YIPF1: variants seen among roughly 807,000 people sequenced by gnomAD.
YIPF1 encodes the protein Yip1 domain family member 1, also known as protein YIPF1.
Under a neutral mutation model 37.0 loss-of-function variants are expected in YIPF1, and 22 were observed. The observed-to-expected ratio is 0.59, with a 90% CI of 0.42 to 0.85. The LOEUF (loss-of-function observed/expected upper bound fraction) is 0.85. Ranked by LOEUF, YIPF1 falls within the 40% of genes least tolerant of loss-of-function variation. The probability of loss-of-function intolerance (pLI) is 0.00; values close to 1 mark genes in which losing one functional copy is unlikely to be tolerated. For missense variants in YIPF1, 355 were observed against 373.1 expected, an observed-to-expected ratio of 0.95 and a Z score of 0.40; for synonymous variants, 128 against 131.9, an observed-to-expected ratio of 0.97 and a Z score of 0.21.
At chr1:53,865,954 A>G (rs1650009251) in intron 9 of YIPF1, among the ~76,000 whole-genome samples, 1 of 152,030 alleles carries the variant, frequency 6.6e-6, no homozygotes, top group African/African-American at 2.4e-5. Flanking sequence ...CGTTTAAGCC[A>G]CGATGCCCAG....
At chr1:53,865,426 A>T (rs1158097190) in intron 9 of YIPF1, among the ~76,000 whole-genome samples, 1 of 152,240 alleles carries the variant, frequency 6.6e-6, no homozygotes, top group Non-Finnish European at 1.5e-5. Context: ...TACACATTTT[A>T]AAATACAGTA....
intron 4 of YIPF1, among the ~76,000 whole-genome samples, chr1:53,882,280 T>C (rs1007135250): frequency 7.9e-5 from 12 of 152,178 alleles, no homozygotes; most frequent in African/African-American, 2.7e-4. Flanking sequence ...TGTTTACCTA[T>C]GTAACAAACC....
chr1:53,860,093 G>T lies in YIPF1; in HGVS notation c.892C>A (p.Gln298Lys). ...HLPTTTATPN[Q>K]TVAAAKSS The stretch of plus-strand genomic sequence containing the variant: ...CTGGACTTGGCTGCAGCAACTGTTT[G>T]GTTTGGAGTAGCTGTAGTTGTTGGG... Residue 298 changes from glutamine (Q) to lysine (K), a missense_variant, in exon 10 of 11, where the codon CAA becomes AAA. Transcript: ENST00000072644. The T allele has an allele frequency of 1.9e-6, 3 of 1,614,108 alleles. No homozygotes were observed. Among genetic ancestry groups the T allele is most frequent in the Non-Finnish European group, 2.5e-6 (3 of 1,179,994 alleles).
At chr1:53,883,793 T>G (rs1650567048) in intron 3 of YIPF1, among the ~76,000 whole-genome samples, 1 of 152,204 alleles carries the variant, frequency 6.6e-6, no homozygotes, top group Non-Finnish European at 1.5e-5. Flanking sequence ...ATCCCAGCAC[T>G]TTGGGAGGCC....
intron 6 of YIPF1, among the ~76,000 whole-genome samples, chr1:53,872,330 C>T (rs180871220): frequency 5.3e-4 from 80 of 152,250 alleles, no homozygotes; most frequent in African/African-American, 1.9e-3. Flanking sequence ...ATATTTTATA[C>T]AGATGATAAC....
At chr1:53,858,388 A>G (rs11206228) in intron 10 of YIPF1, among the ~76,000 whole-genome samples, 5,014 of 152,262 alleles carry the variant, frequency 0.033, 144 homozygotes, top group East Asian at 0.12. Flanking sequence ...GGAAAAAATG[A>G]TCAAGGTAAA....
intron 10 of YIPF1, among the ~76,000 whole-genome samples, chr1:53,859,157 A>G (rs2100719777): frequency 6.6e-6 from 1 of 152,312 alleles, no homozygotes; most frequent in African/African-American, 2.4e-5. Context: ...GTGGTAGGCA[A>G]TGAAGATATA....
intron 9 of YIPF1, 95 bp from the exon 10 acceptor site, chr1:53,860,248 C>A: frequency 9.0e-7 from 1 of 1,117,008 alleles, no homozygotes; most frequent in East Asian, 2.5e-5. Context: ...TTTGGACTCT[C>A]ACAGCCCCTA....
intron 10 of YIPF1, among the ~76,000 whole-genome samples, chr1:53,858,436 T>G (rs906825778): frequency 1.3e-5 from 2 of 152,180 alleles, no homozygotes; most frequent in Non-Finnish European, 2.9e-5. Context: ...ACTGACGCAC[T>G]CTGAGAGTGG....
chr1:53,871,529 G>C, intron 6 of YIPF1, 41 bp from the exon 7 acceptor site: 1 of 1,458,680 alleles, frequency 6.9e-7, no homozygotes, highest in Non-Finnish European at 9.6e-7. Context: ...AGAAAATGAA[G>C]CATAAGCCTT....
intron 10 of YIPF1, among the ~76,000 whole-genome samples, chr1:53,856,878 C>T (rs1649732175): frequency 6.6e-6 from 1 of 152,158 alleles, no homozygotes; most frequent in East Asian, 1.9e-4. Flanking sequence ...GTGTAATTGC[C>T]TCCCCTAGAA....
chr1:53,860,175 G>A (rs1369070583), intron 9 of YIPF1, 22 bp from the exon 10 acceptor site: 3 of 1,612,756 alleles, frequency 1.9e-6, no homozygotes, highest in Middle Eastern at 1.6e-4. Context: ...AAAAGACCCA[G>A]GAGGGAGTTA....
At chr1:53,860,674 T>C (rs530060049) in intron 9 of YIPF1, among the ~76,000 whole-genome samples, 1 of 152,372 alleles carries the variant, frequency 6.6e-6, no homozygotes, top group South Asian at 2.1e-4. Context: ...CTACATTAGC[T>C]TGCTGCTAAA....
At chr1:53,860,190 G>A (rs974521904) in intron 9 of YIPF1, 37 bp from the exon 10 acceptor site, 2 of 1,605,064 alleles carry the variant, frequency 1.2e-6, no homozygotes, top group African/African-American at 1.3e-5. Flanking sequence ...GAGTTAAAAA[G>A]ACAGTGGTCC....
chr1:53,878,600 C>T (rs765410012), intron 5 of YIPF1, 42 bp downstream of exon 5: 1 of 1,566,678 alleles, frequency 6.4e-7, no homozygotes, highest in Admixed American at 2.0e-5. Flanking sequence ...AGAAACAAGT[C>T]TCCTTTACCC....
chr1:53,879,963 C>T (rs914069643), intron 4 of YIPF1, among the ~76,000 whole-genome samples: 14 of 152,148 alleles, frequency 9.2e-5, no homozygotes, highest in Non-Finnish European at 2.1e-4. Context: ...GGAAAGCATT[C>T]CCCTTGAAAA....
intron 7 of YIPF1, among the ~76,000 whole-genome samples, chr1:53,867,608 C>T (rs1650067240): frequency 1.3e-5 from 2 of 152,096 alleles, no homozygotes; most frequent in African/African-American, 4.8e-5. Flanking sequence ...TCGTGATCCG[C>T]CCGCCTCCGC....
intron 3 of YIPF1, among the ~76,000 whole-genome samples, chr1:53,887,538 C>T (rs983177017): frequency 2.0e-5 from 3 of 151,872 alleles, no homozygotes; most frequent in Non-Finnish European, 2.9e-5. Context: ...GGCTATAATT[C>T]AGAAAAAAGG....
chr1:53,881,553 AG>A (rs1406940045), intron 4 of YIPF1, among the ~76,000 whole-genome samples: 1 of 152,316 alleles, frequency 6.6e-6, no homozygotes, highest in East Asian at 1.9e-4. Context: ...AAAGTGGGCA[AG>A]GGACATGAAC....
Sources: allele counts gnomAD v4.1 joint callset (sites outside exome capture counted in the v4.1 genomes callset), GRCh38; gene constraint gnomAD v4.1.1; transcripts MANE v1.5; gene names NCBI Gene and HGNC (gene_info 2026-07-23, HGNC 2026-07-21).